The following LDB2 variants were observed in gnomAD, a reference collection of about 807,000 sequenced individuals.
LDB2 encodes LIM domain binding 2.
LDB2 carries 12 observed loss-of-function variants against 44.3 expected under a neutral mutation model. The ratio of observed to expected loss-of-function variants is 0.27; its 90% CI spans 0.17 to 0.44. The LOEUF is 0.44. Among genes scored for constraint, LDB2 ranks in the 20% least tolerant of loss-of-function variants. The pLI, the probability that LDB2 is intolerant of heterozygous loss-of-function variation, is 1.00. For missense variants in LDB2, 344 were observed against 473.5 expected (o/e 0.73, Z 2.54); for synonymous variants, 164 against 174.8 (o/e 0.94, Z 0.49).
At chr4:16,631,280 T>G (rs1446404297) in intron 2 of LDB2, among the ~76,000 whole-genome samples, 1 of 152,112 alleles carries the variant, frequency 6.6e-6, no homozygotes. Context: ...ATTAAGAAAC[T>G]CACTCGAAAC....
At chr4:16,736,098 C>A (rs1213492046) in intron 2 of LDB2, among the ~76,000 whole-genome samples, 2 of 152,210 alleles carry the variant, frequency 1.3e-5, no homozygotes, top group African/African-American at 4.8e-5. Context: ...TTTCCTCCTA[C>A]ACTCCTTCCC....
At chr4:16,726,188 G>A (rs1759419449) in intron 2 of LDB2, 1 of 151,966 alleles carries the variant, frequency 6.6e-6, no homozygotes, top group Non-Finnish European at 1.5e-5. Context: ...CTAAAAACAT[G>A]TCACATGCTA....
chr4:16,832,705 T>G (rs1784271941), intron 1 of LDB2, among the ~76,000 whole-genome samples: 1 of 152,156 alleles, frequency 6.6e-6, no homozygotes, highest in Non-Finnish European at 1.5e-5. Flanking sequence ...GTTAACAATC[T>G]ACCCACAAGG....
chr4:16,517,049 G>A (rs1724009073), intron 5 of LDB2, among the ~76,000 whole-genome samples: 1 of 152,216 alleles, frequency 6.6e-6, no homozygotes, highest in Non-Finnish European at 1.5e-5. Flanking sequence ...CTTGGCAACA[G>A]CAAAGGCCTA....
intron 5 of LDB2, among the ~76,000 whole-genome samples, chr4:16,536,759 G>T (rs1459956836): frequency 6.6e-6 from 1 of 152,228 alleles, no homozygotes; most frequent in Non-Finnish European, 1.5e-5. Flanking sequence ...CCCAAAGATT[G>T]TGCAGGGCTG....
chr4:16,695,107 T>C (rs1369360990), intron 2 of LDB2, among the ~76,000 whole-genome samples: 1 of 152,180 alleles, frequency 6.6e-6, no homozygotes, highest in African/African-American at 2.4e-5. Flanking sequence ...CCAAGGAACC[T>C]CAAGAGGGGG....
Position 16,502,469 on chromosome 4 carries a change from T to G in LDB2, c.*174A>C. On this transcript the variant is annotated 3_prime_UTR_variant, in exon 8 of 8. Coordinates refer to ENST00000304523, the MANE Select transcript of LDB2 (RefSeq NM_001290.5). ...GGTCATGGAAGCTTACTGGGAATAA[T>G]CCTCTCAATTAGAAAAAAAGAAAGA... The G allele has an allele frequency of 1.1e-6, 1 of 907,262 alleles. No individual in the cohort carries two copies. Among genetic ancestry groups the G allele is most frequent in the Non-Finnish European group, 1.7e-6 (1 of 603,272 alleles). 56.2% of individuals were successfully genotyped at this position (907,262 alleles called of 1,614,324 possible). A position where few individuals can be genotyped will look rare whatever the true frequency, so the allele number is the denominator to read the frequency against.
intron 5 of LDB2, among the ~76,000 whole-genome samples, chr4:16,514,443 C>T (rs574200841): frequency 6.6e-6 from 1 of 152,282 alleles, no homozygotes; most frequent in East Asian, 1.9e-4. Flanking sequence ...TGCACAAACC[C>T]CCAGTGGTGT....
intron 2 of LDB2, among the ~76,000 whole-genome samples, chr4:16,725,887 GTA>G (rs58989204): frequency 0.51 from 74,727 of 145,986 alleles, 19,323 homozygotes; most frequent in East Asian, 0.8. Flanking sequence ...ATATTTATGT[GTA>G]TATATATATA....
intron 1 of LDB2, among the ~76,000 whole-genome samples, chr4:16,883,294 C>T (rs1369034723): frequency 2.6e-5 from 4 of 152,186 alleles, no homozygotes; most frequent in East Asian, 1.9e-4. Context: ...TCGTAGACTG[C>T]GGCTGAAGAG....
At chr4:16,658,229 G>A (rs1268510943) in intron 2 of LDB2, among the ~76,000 whole-genome samples, 1 of 152,154 alleles carries the variant, frequency 6.6e-6, no homozygotes, top group Non-Finnish European at 1.5e-5. Flanking sequence ...TCTATTCTCA[G>A]TGCCAAGTCC....
intron 2 of LDB2, among the ~76,000 whole-genome samples, chr4:16,710,299 A>G (rs942482862): frequency 2.0e-5 from 3 of 152,196 alleles, no homozygotes; most frequent in Admixed American, 6.5e-5. Context: ...AAAAGAAGGG[A>G]TGGCCATGAA....
intron 2 of LDB2, among the ~76,000 whole-genome samples, chr4:16,695,459 CAA>C (rs553974303): frequency 7.3e-5 from 8 of 109,526 alleles, no homozygotes; most frequent in Admixed American, 9.4e-5. Flanking sequence ...AAGACTCTGT[CAA>C]AAAAAAAAAA....
chr4:16,821,640 C>T (rs1389981776), intron 1 of LDB2, among the ~76,000 whole-genome samples: 9 of 149,900 alleles, frequency 6.0e-5, no homozygotes, highest in African/African-American at 2.2e-4. Context: ...CTGCCCACCT[C>T]GGCCTCCCAA....
intron 1 of LDB2, among the ~76,000 whole-genome samples, chr4:16,847,595 ATGTTTGTTTGTT>A (rs77897455): frequency 1.1e-4 from 15 of 141,804 alleles, no homozygotes; most frequent in East Asian, 4.6e-4. Context: ...TCTTTAACAC[ATGTTTGTTTGTT>A]TGTTTGTTTG....
Position 16,659,897 on chromosome 4 carries a change from T to A in LDB2, c.236-64022A>T, listed in dbSNP as rs546186842. On this transcript the variant is annotated intron_variant, in intron 2 of 7. Transcript: ENST00000304523. ...ACAAAGGCTTTTGTAACTGTGGAGCTTTGTGTTCCCCTTAAAGAAAAAGAA... is the reference window on the plus strand; with the variant it reads ...ACAAAGGCTTTTGTAACTGTGGAGCATTGTGTTCCCCTTAAAGAAAAAGAA... Among the ~76,000 whole-genome samples the A allele has an allele frequency of 1.4e-3, 219 of 152,216 alleles. 1 individual carries two copies. The highest frequency in any genetic ancestry group is 2.2e-3 in the Non-Finnish European group (147 of 68,012).
At chr4:16,788,806 G>T (rs1282734519) in intron 1 of LDB2, among the ~76,000 whole-genome samples, 1 of 152,130 alleles carries the variant, frequency 6.6e-6, no homozygotes, top group Non-Finnish European at 1.5e-5. Flanking sequence ...TTATAAGATG[G>T]GTGTTACCCT....
intron 1 of LDB2, among the ~76,000 whole-genome samples, chr4:16,796,836 T>A (rs542507460): frequency 2.0e-5 from 3 of 152,282 alleles, no homozygotes; most frequent in Admixed American, 1.3e-4. Flanking sequence ...CCCTGTCTAA[T>A]CATGAGAAGA....
At chr4:16,747,559 T>C (rs1171839106) in intron 2 of LDB2, among the ~76,000 whole-genome samples, 1 of 152,242 alleles carries the variant, frequency 6.6e-6, no homozygotes, top group Non-Finnish European at 1.5e-5. Flanking sequence ...AAGTGAACAC[T>C]GAATAAGTAT....
Sources: gnomAD v4.1 joint callset for allele counts (sites outside exome capture counted in the v4.1 genomes callset) on GRCh38, gnomAD v4.1.1 for gene constraint, MANE v1.5 for transcripts, NCBI Gene and HGNC (gene_info 2026-07-23, HGNC 2026-07-21) for gene names.